Variants in ENOX1 observed in about 807,000 individuals in gnomAD.
The protein encoded by ENOX1 is ecto-NOX disulfide-thiol exchanger 1.
In ENOX1, 42 loss-of-function variants were observed where a neutral mutation model predicts 82.5. The observed-to-expected ratio is 0.51, with a 90% confidence interval of 0.40 to 0.66. The LOEUF is 0.66. Ranked by LOEUF, ENOX1 falls within the 30% of genes least tolerant of loss-of-function variation. The probability of loss-of-function intolerance (pLI) is 0.00; values close to 1 mark genes in which losing one functional copy is unlikely to be tolerated. For missense variants in ENOX1, 608 were observed against 811.6 expected (o/e 0.75, Z 3.05); for synonymous variants, 271 against 282.2 (o/e 0.96, Z 0.40).
intron 1 of ENOX1, among the ~76,000 whole-genome samples, chr13:43,766,181 C>G (rs1951250577): frequency 6.6e-6 from 1 of 152,092 alleles, no homozygotes; most frequent in Non-Finnish European, 1.5e-5. Context: ...ATTCTAAAAG[C>G]AAAATTGCAT....
chr13:43,525,985 T>A (rs1157631629), intron 2 of ENOX1, among the ~76,000 whole-genome samples: 1 of 152,174 alleles, frequency 6.6e-6, no homozygotes, highest in Non-Finnish European at 1.5e-5. Flanking sequence ...TCTTAATCTA[T>A]CCATAACGGT....
At chr13:43,396,000 G>A (rs1451405471) in intron 5 of ENOX1, among the ~76,000 whole-genome samples, 1 of 152,192 alleles carries the variant, frequency 6.6e-6, no homozygotes, top group Non-Finnish European at 1.5e-5. Flanking sequence ...CCACTTATTT[G>A]AGATTTCAGA....
chr13:43,356,267 G>T, intron 7 of ENOX1, 115 bp from the exon 8 acceptor site: 2 of 826,234 alleles, frequency 2.4e-6, no homozygotes, highest in Non-Finnish European at 3.8e-6. Context: ...TGTCACTACG[G>T]ATACATTTCC....
At chr13:43,311,023 T>C (rs1440482001) in intron 11 of ENOX1, among the ~76,000 whole-genome samples, 4 of 151,918 alleles carry the variant, frequency 2.6e-5, no homozygotes, top group Non-Finnish European at 4.4e-5. Context: ...GTGTCTGATA[T>C]ATAATGATGG....
chr13:43,586,703 C>CA (rs1294081794), intron 2 of ENOX1, among the ~76,000 whole-genome samples: 1 of 152,150 alleles, frequency 6.6e-6, no homozygotes, highest in Non-Finnish European at 1.5e-5. Context: ...TCAGAATTAG[C>CA]AGTTGATACC....
intron 1 of ENOX1, among the ~76,000 whole-genome samples, chr13:43,771,593 A>C (rs992105482): frequency 6.6e-6 from 1 of 152,176 alleles, no homozygotes; most frequent in African/African-American, 2.4e-5. Context: ...TCAGGCTGGA[A>C]GTGACAGGTC....
At chr13:43,375,483 G>C (rs1248817097) in intron 5 of ENOX1, among the ~76,000 whole-genome samples, 2 of 152,164 alleles carry the variant, frequency 1.3e-5, no homozygotes, top group African/African-American at 4.8e-5. Context: ...TAGGCAAGAC[G>C]CTGGGGGCAT....
chr13:43,392,531 T>C (rs527848116), intron 5 of ENOX1, among the ~76,000 whole-genome samples: 1 of 151,520 alleles, frequency 6.6e-6, no homozygotes, highest in African/African-American at 2.4e-5. Context: ...ATACAAAAAA[T>C]ATAAATAAAA....
chr13:43,563,522 A>G (rs921809305), intron 2 of ENOX1, among the ~76,000 whole-genome samples: 1 of 152,124 alleles, frequency 6.6e-6, no homozygotes, highest in African/African-American at 2.4e-5. Context: ...AGAATAAATA[A>G]TAGAGACCAG....
intron 5 of ENOX1, among the ~76,000 whole-genome samples, chr13:43,380,839 CAATTT>C (rs2051991546): frequency 6.6e-6 from 1 of 151,542 alleles, no homozygotes; most frequent in East Asian, 1.9e-4. Context: ...ATAAAGAGGT[CAATTT>C]AACAAGAAAA....
At chr13:43,444,640 A>G (rs2056527419) in intron 3 of ENOX1, among the ~76,000 whole-genome samples, 1 of 152,238 alleles carries the variant, frequency 6.6e-6, no homozygotes, top group Non-Finnish European at 1.5e-5. Flanking sequence ...AACATATTTC[A>G]TTTATTCACA....
chr13:43,410,625 TACACACAC>T (rs60371956), intron 5 of ENOX1, among the ~76,000 whole-genome samples: 7 of 146,928 alleles, frequency 4.8e-5, no homozygotes, highest in African/African-American at 1.2e-4. Context: ...TACACACATG[TACACACAC>T]ACACACACAC....
chr13:43,638,022 A>G (rs1419138115), intron 2 of ENOX1, among the ~76,000 whole-genome samples: 8 of 152,116 alleles, frequency 5.3e-5, no homozygotes. Flanking sequence ...AGTACAACCC[A>G]CTTTGTTCAA....
At chr13:43,276,504 G>A (rs529738925) in intron 12 of ENOX1, among the ~76,000 whole-genome samples, 5 of 152,064 alleles carry the variant, frequency 3.3e-5, no homozygotes, top group African/African-American at 1.2e-4. Context: ...GTGTCTTCAG[G>A]TCTCCCCAGG....
At chr13:43,537,536 C>T (rs934376144) in intron 2 of ENOX1, among the ~76,000 whole-genome samples, 2 of 152,182 alleles carry the variant, frequency 1.3e-5, no homozygotes, top group African/African-American at 4.8e-5. Context: ...TTGGGAAATA[C>T]AGGAAACTTG....
In ENOX1 at chr13:43,253,638, C is replaced by T. The variant is rs536592840; in HGVS notation, c.1611+11760G>A. Among the ~76,000 whole-genome samples, 3 of 152,320 alleles carry T rather than the reference C, an allele frequency of 2.0e-5. No individual in the cohort carries two copies. The South Asian group carries it at 6.2e-4, about 32-fold the overall frequency. Reference sequence around the variant, plus strand: ...CTATGGAATATTTAATAATCTAAATCATAAAAACAAATGTCTAGGAAGCCC... The same window carrying T: ...CTATGGAATATTTAATAATCTAAATTATAAAAACAAATGTCTAGGAAGCCC... On this transcript the variant is annotated intron_variant, in intron 14 of 16. Transcript: ENST00000690772.
intron 16 of ENOX1, among the ~76,000 whole-genome samples, chr13:43,218,978 T>C (rs1289167004): frequency 6.6e-6 from 1 of 152,160 alleles, no homozygotes; most frequent in Non-Finnish European, 1.5e-5. Context: ...CACCAGTACA[T>C]TCTTTGTCTA....
intron 3 of ENOX1, among the ~76,000 whole-genome samples, chr13:43,475,776 T>C: frequency 3.9e-5 from 1 of 25,960 alleles, no homozygotes; most frequent in African/African-American, 1.9e-4. Flanking sequence ...CACAATCATA[T>C]ACAAAAACAT....
chr13:43,324,076 G>A (rs866599576), intron 10 of ENOX1, among the ~76,000 whole-genome samples: 17 of 152,300 alleles, frequency 1.1e-4, no homozygotes, highest in Admixed American at 6.5e-4. Context: ...ATGCCACCCA[G>A]AATAAACAGG....
Sources: allele counts gnomAD v4.1 joint callset (sites outside exome capture counted in the v4.1 genomes callset), GRCh38; gene constraint gnomAD v4.1.1; transcripts MANE v1.5; gene names NCBI Gene and HGNC (gene_info 2026-07-23, HGNC 2026-07-21).